NPAT: variants seen among roughly 807,000 people sequenced by gnomAD.
The protein encoded by NPAT is nuclear protein, coactivator of histone transcription, also known as protein NPAT.
NPAT carries 52 observed loss-of-function variants against 130.7 expected under a neutral mutation model. The observed-to-expected ratio is 0.40, with a 90% CI of 0.32 to 0.50. NPAT has a LOEUF of 0.50. NPAT is among the 20% of genes least tolerant of loss of function. The pLI, the probability that NPAT is intolerant of heterozygous loss-of-function variation, is 0.68. For synonymous variants in NPAT, 580 were observed against 584.8 expected (o/e 0.99, Z 0.12); for missense variants, 1,687 against 1,662.6 (o/e 1.01, Z -0.26).
At chr11:108,179,475 A>G (rs949333797) in intron 10 of NPAT, among the ~76,000 whole-genome samples, 3 of 152,154 alleles carry the variant, frequency 2.0e-5, no homozygotes, top group Admixed American at 6.5e-5. Flanking sequence ...CCTGACCTCA[A>G]GTGACCCTCC....
intron 1 of NPAT, 127 bp downstream of exon 1, chr11:108,222,373 G>A: frequency 2.1e-6 from 2 of 951,378 alleles, no homozygotes; most frequent in Non-Finnish European, 3.3e-6. Context: ...ATCACCGCCA[G>A]TCTCAACTCG....
intron 1 of NPAT, among the ~76,000 whole-genome samples, chr11:108,215,003 AT>A (rs1272927658): frequency 3.3e-5 from 5 of 152,156 alleles, no homozygotes; most frequent in African/African-American, 9.6e-5. Context: ...TCTTCAGCCT[AT>A]GTTTTACCAT....
chr11:108,219,447 A>T (rs919394573), intron 1 of NPAT, among the ~76,000 whole-genome samples: 7 of 152,142 alleles, frequency 4.6e-5, no homozygotes, highest in Non-Finnish European at 1.0e-4. Flanking sequence ...TCTCTCATTA[A>T]ATCTTTCCAT....
intron 1 of NPAT, among the ~76,000 whole-genome samples, chr11:108,198,374 T>C (rs539440906): frequency 6.6e-6 from 1 of 152,288 alleles, no homozygotes; most frequent in South Asian, 2.1e-4. Context: ...CTTGAGACTT[T>C]AAATAAGCAA....
intron 1 of NPAT, among the ~76,000 whole-genome samples, chr11:108,221,641 C>T (rs2078500325): frequency 1.3e-5 from 2 of 152,184 alleles, no homozygotes. Flanking sequence ...GAGGTTTCAT[C>T]ACAGATGCTT....
intron 15 of NPAT, among the ~76,000 whole-genome samples, chr11:108,162,556 G>A (rs895674926): frequency 5.3e-5 from 8 of 151,990 alleles, no homozygotes; most frequent in African/African-American, 1.9e-4. Context: ...TCAGCCTCCC[G>A]AGTAGCTGGG....
rs200169344 is a variant in NPAT at position 108,158,104 on chromosome 11, TAA to T, written c.*836_*837del. ...TATATGTGCATTGGTCACTACAATG[TAA>T]AGAGTTCTATGAATTAGTGCAATTC... is the stretch of plus-strand genomic sequence containing the variant. On this transcript the variant is annotated 3_prime_UTR_variant, in exon 18 of 18. Coordinates refer to ENST00000278612, the MANE Select transcript of NPAT (RefSeq NM_002519.3). 6.0e-3 allele frequency: 912 copies of T among 152,620 alleles called. 26 individuals carry two copies. The highest frequency in any genetic ancestry group is 2.5e-3 in the Non-Finnish European group (169 of 67,936). 9.5% of individuals were successfully genotyped at this position (152,620 alleles called of 1,614,324 possible). A position where few individuals can be genotyped will look rare whatever the true frequency, so the allele number is the denominator to read the frequency against.
At chr11:108,206,574 G>A (rs1212102811) in intron 1 of NPAT, among the ~76,000 whole-genome samples, 1 of 152,160 alleles carries the variant, frequency 6.6e-6, no homozygotes, top group Non-Finnish European at 1.5e-5. Flanking sequence ...GAGACATCAA[G>A]AATCCCAGAG....
Position 108,173,584 on chromosome 11 carries a change from C to T in NPAT, c.1400G>A (p.Cys467Tyr), listed in dbSNP as rs746284331. 10 of 1,614,054 alleles carry T rather than the reference C, an allele frequency of 6.2e-6. No homozygotes were observed. The Middle Eastern group carries it at 4.9e-4, about 80-fold the overall frequency. The stretch of plus-strand genomic sequence containing the variant: ...CATCTGATTGGTGTATAATTCAGCA[C>T]AATGTGGATTACATTCAGCATTAGA... ...GNSNAECNPH[C>Y]AELYTNQMST... The change falls in exon 13 of 18, where the codon TGT becomes TAT. Residue 467 changes from cysteine (C) to tyrosine (Y), a missense_variant. Around this residue, in one of 3 missense-constraint regions of NPAT, gnomAD observed 1,379 missense variants for 1,346.6 expected, o/e 1.02. Coordinates refer to ENST00000278612, the MANE Select transcript of NPAT (RefSeq NM_002519.3).
intron 15 of NPAT, among the ~76,000 whole-genome samples, chr11:108,162,671 A>G (rs1190002303): frequency 6.6e-6 from 1 of 152,192 alleles, no homozygotes; most frequent in Non-Finnish European, 1.5e-5. Flanking sequence ...GCCTCAAGTG[A>G]TCTGCCCACC....
chr11:108,176,795 A>C (rs2078010234), intron 11 of NPAT, among the ~76,000 whole-genome samples, 199 bp downstream of exon 11: 1 of 152,140 alleles, frequency 6.6e-6, no homozygotes, highest in Non-Finnish European at 1.5e-5. Context: ...AAACAAAACT[A>C]CTCTCCACTT....
chr11:108,206,892 C>T (rs374640708), intron 1 of NPAT, among the ~76,000 whole-genome samples: 14 of 152,296 alleles, frequency 9.2e-5, no homozygotes, highest in Admixed American at 2.0e-4. Flanking sequence ...GTCGTCCCCA[C>T]GAGTATCCAG....
At chr11:108,210,696 A>C (rs78756059) in intron 1 of NPAT, among the ~76,000 whole-genome samples, 2,067 of 152,330 alleles carry the variant, frequency 0.014, 56 homozygotes, top group African/African-American at 0.046. Context: ...CAGACCTATA[A>C]CAAGAAATGG....
At chr11:108,202,950 C>A (rs1024232695) in intron 1 of NPAT, among the ~76,000 whole-genome samples, 1 of 152,104 alleles carries the variant, frequency 6.6e-6, no homozygotes, top group African/African-American at 2.4e-5. Context: ...GGCCTTACTT[C>A]AAGGAGGCTG....
chr11:108,159,000 G>T lies in NPAT; in HGVS notation c.4226C>A (p.Ser1409Ter). The T allele has an allele frequency of 6.2e-7, 1 of 1,606,536 alleles. No homozygotes were observed. The highest frequency in any genetic ancestry group is 1.1e-5 in the South Asian group (1 of 90,912). ...KKIKKKKLPS[S>*]FPAGMDVDKF... The stretch of plus-strand genomic sequence containing the variant: ...GTCTACATCCATTCCTGCTGGAAAT[G>T]AACTGGGAAGCTTCTTTTTCTGTTG... Residue 1409 changes from serine (S) to a stop codon, truncating the protein, a stop_gained, in exon 18 of 18, where the codon TCA becomes TAA. Coordinates refer to ENST00000278612, the MANE Select transcript of NPAT (RefSeq NM_002519.3). LOFTEE classifies it high-confidence loss of function.
chr11:108,197,211 CA>C, intron 2 of NPAT, 90 bp downstream of exon 2: 1 of 966,262 alleles, frequency 1.0e-6, no homozygotes, highest in Non-Finnish European at 1.7e-6. Context: ...CTGCCAATTT[CA>C]ATTTTTTTTT....
intron 15 of NPAT, among the ~76,000 whole-genome samples, chr11:108,163,306 C>G: frequency 6.6e-6 from 1 of 152,148 alleles, no homozygotes; most frequent in East Asian, 1.9e-4. Context: ...TCTCAAAACT[C>G]TTGACCTCAG....
chr11:108,178,614 T>C (rs2078031317), intron 10 of NPAT, among the ~76,000 whole-genome samples: 1 of 152,146 alleles, frequency 6.6e-6, no homozygotes, highest in Non-Finnish European at 1.5e-5. Flanking sequence ...TCCCAGCACT[T>C]TGGGAGGCCA....
chr11:108,207,699 C>T (rs1310801587), intron 1 of NPAT, among the ~76,000 whole-genome samples: 1 of 152,218 alleles, frequency 6.6e-6, no homozygotes, highest in Non-Finnish European at 1.5e-5. Flanking sequence ...GGAGTAGGCG[C>T]TTCCAAGCCT....
Sources: gnomAD v4.1 joint callset for allele counts (sites outside exome capture counted in the v4.1 genomes callset) on GRCh38, gnomAD v4.1.1 for gene constraint, gnomAD v4.1.1 regional missense constraint, MANE v1.5 for transcripts, NCBI Gene and HGNC (gene_info 2026-07-23, HGNC 2026-07-21) for gene names.